HEATR3: variants seen among roughly 807,000 people sequenced by gnomAD.
The protein encoded by HEATR3 is HEAT repeat containing 3.
In HEATR3, 56 loss-of-function variants were observed where a neutral mutation model predicts 72.8. That is an observed-to-expected ratio of 0.77 (90% CI 0.62 to 0.96). The LOEUF (loss-of-function observed/expected upper bound fraction) is 0.96. Ranked by LOEUF, HEATR3 falls within the 40% of genes least tolerant of loss-of-function variation. The pLI is 0.00. For missense variants in HEATR3, 747 were observed against 831.4 expected (o/e 0.90, Z 1.25); for synonymous variants, 331 against 318.1 (o/e 1.04, Z -0.43).
chr16:50,105,920 C>T lies in HEATR3; in HGVS notation c.*859C>T, dbSNP rs2037478755. ...ATCTGTGTGGCATTTCTAGCGCTCT[C>T]TAAATTATGTCTCTGGCATATTTTA... On this transcript the variant is annotated 3_prime_UTR_variant, in exon 15 of 15. Coordinates refer to ENST00000299192, the MANE Select transcript of HEATR3 (RefSeq NM_182922.4). 6.6e-6 allele frequency: 1 copy of T among 152,082 alleles called. No homozygotes were observed. The highest frequency in any genetic ancestry group is 2.4e-5 in the African/African-American group (1 of 41,424). The allele number at this position is 152,082 out of a possible 1,614,324, so 9.4% of individuals were successfully genotyped here. A position where few individuals can be genotyped will look rare whatever the true frequency, so the allele number is the denominator to read the frequency against.
chr16:50,099,653 A>C (rs1167475293), intron 12 of HEATR3, among the ~76,000 whole-genome samples: 2 of 152,136 alleles, frequency 1.3e-5, no homozygotes, highest in Non-Finnish European at 2.9e-5. Flanking sequence ...ATCTCAGCTC[A>C]CTGCAACCTC....
chr16:50,078,110 C>G (rs946334216), intron 6 of HEATR3, among the ~76,000 whole-genome samples: 1 of 152,044 alleles, frequency 6.6e-6, no homozygotes, highest in Non-Finnish European at 1.5e-5. Context: ...CTCCTGACCT[C>G]GAGTGATCCT....
In HEATR3 at chr16:50,092,436, C is replaced by CTTTTTTTTTTTTT. The variant is rs375532097; in HGVS notation, c.1511-2265_1511-2253dup. 7.5e-5 allele frequency among the ~76,000 whole-genome samples: 8 copies of CTTTTTTTTTTTTT among 106,030 alleles called. 2 individuals are homozygous for CTTTTTTTTTTTTT. Among genetic ancestry groups the CTTTTTTTTTTTTT allele is most frequent in the African/African-American group, 1.8e-4 (5 of 27,028 alleles). The allele number at this position is 106,030 out of a possible 152,430, so 69.6% of individuals were successfully genotyped here. A position where few individuals can be genotyped will look rare whatever the true frequency, so the allele number is the denominator to read the frequency against. Reference sequence around the variant, plus strand: ...GGTCATTCTTTTTTTTTTCTTTTTTCTTTTTTTTTTTTTTTTCCTGAGACG... The same window carrying CTTTTTTTTTTTTT: ...GGTCATTCTTTTTTTTTTCTTTTTTCTTTTTTTTTTTTTTTTTTTTTTTTTTTTTCCTGAGACG... On this transcript the variant is annotated intron_variant, in intron 11 of 14. Transcript: ENST00000299192.
intron 12 of HEATR3, among the ~76,000 whole-genome samples, chr16:50,098,752 A>G (rs2037301860): frequency 6.6e-6 from 1 of 152,014 alleles, no homozygotes; most frequent in African/African-American, 2.4e-5. Context: ...TCTCCTACAG[A>G]ATGTACTTTG....
At position 50,100,587 on chromosome 16, in the gene HEATR3, A is replaced by G. The variant is rs1343988697; in HGVS notation, c.1743+214A>G. 2.4e-5 allele frequency: 12 copies of G among 507,668 alleles called. No individual in the cohort carries two copies. The East Asian group carries it at 2.9e-4, about 12-fold the overall frequency. 31.4% of individuals were successfully genotyped at this position (507,668 alleles called of 1,614,324 possible). A position where few individuals can be genotyped will look rare whatever the true frequency, so the allele number is the denominator to read the frequency against. On this transcript the variant is annotated intron_variant, in intron 13 of 14. Transcript: ENST00000299192. ...TTGAAAAGTTGAGCCACATTTTACA[A>G]TTTAACGTTATTCCAGAGGTACTTT...
chr16:50,096,602 C>T (rs1269299678), intron 12 of HEATR3, among the ~76,000 whole-genome samples: 3 of 152,080 alleles, frequency 2.0e-5, no homozygotes, highest in Admixed American at 2.0e-4. Context: ...AGTTCAAGAT[C>T]AGCCTGGCCA....
chr16:50,105,004 G>A lies in HEATR3; in HGVS notation c.1986G>A (p.Met662Ile), dbSNP rs780894041. Residue 662 changes from methionine (M) to isoleucine (I), a missense_variant, in exon 15 of 15, where the codon ATG becomes ATA. This residue lies in a region of HEATR3 where 586 missense variants were observed against 708.8 expected (regional missense o/e 0.83). Transcript: ENST00000299192. ...DQLCVLDNVKMNLRRFIAYQE... is the reference protein window; with the variant it reads ...DQLCVLDNVKINLRRFIAYQE... ...TGTGTGTTCTTGACAATGTGAAAAT[G>A]AATTTGCGAAGATTTATTGCTTATC... The A allele has an allele frequency of 1.2e-6, 2 of 1,613,204 alleles. No homozygotes were observed. The highest frequency in any genetic ancestry group is 1.1e-5 in the South Asian group (1 of 90,828).
At chr16:50,100,469 GAGA>G (rs1296354603) in intron 13 of HEATR3, 96 bp downstream of exon 13, 3 of 1,240,706 alleles carry the variant, frequency 2.4e-6, no homozygotes, top group Admixed American at 2.0e-5. Context: ...TGGACTTGAA[GAGA>G]AGAAGTCATA....
intron 6 of HEATR3, 70 bp downstream of exon 6, chr16:50,075,781 T>C (rs2036714141): frequency 1.5e-6 from 2 of 1,369,696 alleles, no homozygotes; most frequent in Admixed American, 1.9e-5. Context: ...GGGGGCAAAA[T>C]TTAGTCATTC....
Position 50,105,706 on chromosome 16 carries a change from C to A in HEATR3, c.*645C>A, listed in dbSNP as rs1254521175. 1 of 151,766 alleles carries A rather than the reference C, an allele frequency of 6.6e-6. No homozygotes were observed. The highest frequency in any genetic ancestry group is 2.4e-5 in the African/African-American group (1 of 41,320). The allele number at this position is 151,766 out of a possible 1,614,324, so 9.4% of individuals were successfully genotyped here. A position where few individuals can be genotyped will look rare whatever the true frequency, so the allele number is the denominator to read the frequency against. ...AGCTGGAATTACAGGCACCCACCAC[C>A]ACACCTTGTTTTTGTTTTTGGTTTT... On this transcript the variant is annotated 3_prime_UTR_variant, in exon 15 of 15. Transcript: ENST00000299192.
intron 7 of HEATR3, among the ~76,000 whole-genome samples, chr16:50,083,095 C>G (rs1054910793): frequency 6.6e-6 from 1 of 152,144 alleles, no homozygotes; most frequent in Admixed American, 6.5e-5. Flanking sequence ...GAACGTGCCA[C>G]TGCACTCCAG....
At chr16:50,078,056 T>C (rs2036779552) in intron 6 of HEATR3, among the ~76,000 whole-genome samples, 1 of 151,754 alleles carries the variant, frequency 6.6e-6, no homozygotes, top group South Asian at 2.1e-4. Flanking sequence ...TTTGTATTTT[T>C]AGTAGAGATG....
At position 50,082,575 on chromosome 16, in the gene HEATR3, C is replaced by CT. The variant is rs967382468; in HGVS notation, c.1042-1349dup. ...CTACGTCTATTGAATTAGCAATTTGCTTTTTTTTTTTTTAAGAATATGCTT... is the reference window on the plus strand; with the variant it reads ...CTACGTCTATTGAATTAGCAATTTGCTTTTTTTTTTTTTTAAGAATATGCTT... On this transcript the variant is annotated intron_variant, in intron 7 of 14. Coordinates refer to ENST00000299192, the MANE Select transcript of HEATR3 (RefSeq NM_182922.4). Among the ~76,000 whole-genome samples, 523 of 139,266 alleles carry CT rather than the reference C, an allele frequency of 3.8e-3. 4 individuals are homozygous for CT. The highest frequency in any genetic ancestry group is 9.6e-3 in the African/African-American group (365 of 38,210). The allele number at this position is 139,266 out of a possible 152,430, so 91.4% of individuals were successfully genotyped here. A position where few individuals can be genotyped will look rare whatever the true frequency, so the allele number is the denominator to read the frequency against.
intron 4 of HEATR3, among the ~76,000 whole-genome samples, chr16:50,071,340 G>A (rs1188570204): frequency 6.6e-6 from 1 of 152,230 alleles, no homozygotes; most frequent in Non-Finnish European, 1.5e-5. Context: ...GACCTTGCCT[G>A]TGATTTCATT....
rs763201902 is a variant in HEATR3, at chr16:50,078,982, A to T, written c.1005A>T (p.Arg335Ser). 1.2e-5 allele frequency: 19 copies of T among 1,613,350 alleles called. No individual in the cohort carries two copies. The highest frequency in any genetic ancestry group is 8.5e-7 in the Non-Finnish European group (1 of 1,179,734). ...TGGAAGGAATTTCTCATAAAAGAAG[A>T]GTCAGAAGGAAAACTTTCGTTTCAG... ...DEMEGISHKR[R>S]VRRKTFVSDL... is the part of the protein sequence containing the mutation. Residue 335 changes from arginine to serine, a missense_variant, in exon 7 of 15, where the codon AGA becomes AGT. This residue lies in a region of HEATR3 where 586 missense variants were observed against 708.8 expected (regional missense o/e 0.83). Coordinates refer to ENST00000299192, the MANE Select transcript of HEATR3 (RefSeq NM_182922.4).
In HEATR3 at chr16:50,105,725, T is replaced by A. The variant is rs1243366750; in HGVS notation, c.*664T>A. 6.6e-6 allele frequency: 1 copy of A among 151,662 alleles called. No individual in the cohort carries two copies. Among genetic ancestry groups the A allele is most frequent in the Admixed American group, 6.6e-5 (1 of 15,194 alleles). The allele number at this position is 151,662 out of a possible 1,614,324, so 9.4% of individuals were successfully genotyped here. A position where few individuals can be genotyped will look rare whatever the true frequency, so the allele number is the denominator to read the frequency against. On this transcript the variant is annotated 3_prime_UTR_variant, in exon 15 of 15. Transcript: ENST00000299192. The stretch of plus-strand genomic sequence containing the variant: ...CACCACCACACCTTGTTTTTGTTTT[T>A]GGTTTTTTGGTTTGTTTTTTTTTTT...
rs375722092 is a variant in HEATR3, at chr16:50,105,010, G to A, written c.1992G>A (p.Leu664=). The change falls in exon 15 of 15, where the codon TTG becomes TTA. Residue 664 remains leucine (L), a synonymous_variant. Coordinates refer to ENST00000299192, the MANE Select transcript of HEATR3 (RefSeq NM_182922.4). ...LCVLDNVKMN[L]RRFIAYQETV... is the part of the protein sequence containing the mutation. Reference sequence around the variant, plus strand: ...TTCTTGACAATGTGAAAATGAATTTGCGAAGATTTATTGCTTATCAAGAAA... The same window carrying A: ...TTCTTGACAATGTGAAAATGAATTTACGAAGATTTATTGCTTATCAAGAAA... 47 of 1,613,088 alleles carry A rather than the reference G, an allele frequency of 2.9e-5. No individual in the cohort carries two copies. Among genetic ancestry groups the A allele is most frequent in the Non-Finnish European group, 3.8e-5 (45 of 1,179,654 alleles).
intron 4 of HEATR3, among the ~76,000 whole-genome samples, chr16:50,071,966 C>G (rs191612596): frequency 7.7e-4 from 117 of 152,236 alleles, no homozygotes; most frequent in African/African-American, 2.7e-3. Flanking sequence ...TGTAATTTCT[C>G]TATTGTAGAC....
At chr16:50,073,796 G>A (rs560807596) in intron 5 of HEATR3, 11 of 152,152 alleles carry the variant, frequency 7.2e-5, no homozygotes, top group Admixed American at 2.0e-4. Flanking sequence ...CTTAATGAGC[G>A]TTTTTGAAAT....
Sources: allele counts gnomAD v4.1 joint callset (sites outside exome capture counted in the v4.1 genomes callset), GRCh38; gene constraint gnomAD v4.1.1; regional missense constraint gnomAD v4.1.1; transcripts MANE v1.5; gene names NCBI Gene and HGNC (gene_info 2026-07-23, HGNC 2026-07-21).